RPS6KL1: variants seen among roughly 807,000 people sequenced by gnomAD.
RPS6KL1 encodes the protein ribosomal protein S6 kinase-like 1.
RPS6KL1 carries 41 observed loss-of-function variants against 57.0 expected under a neutral mutation model. That is an observed-to-expected ratio of 0.72 (90% CI 0.56 to 0.93). The LOEUF (loss-of-function observed/expected upper bound fraction) is 0.93, where lower values mean the gene tolerates loss of function less well. Ranked by LOEUF, RPS6KL1 falls within the 40% of genes least tolerant of loss-of-function variation. The pLI is 0.00. For synonymous variants in RPS6KL1, 287 were observed against 309.7 expected, an observed-to-expected ratio of 0.93 and a Z score of 0.77; for missense variants, 697 against 727.7, an observed-to-expected ratio of 0.96 and a Z score of 0.49.
At chr14:74,923,158 G>C (rs920808021) in intron 1 of RPS6KL1, 22 bp downstream of exon 1, 1 of 152,296 alleles carries the variant, frequency 6.6e-6, no homozygotes, top group Non-Finnish European at 1.5e-5. Flanking sequence ...GGGTGGAGAA[G>C]GGACCGGACA....
At chr14:74,907,361 GAC>G (rs1885079873) in intron 11 of RPS6KL1, 72 bp downstream of exon 11, 3 of 1,521,178 alleles carry the variant, frequency 2.0e-6, no homozygotes, top group Middle Eastern at 2.1e-4. Context: ...ACGTGGTTCA[GAC>G]ACAGTTCTGT....
At chr14:74,909,257 AG>A in intron 8 of RPS6KL1, 67 bp from the exon 9 acceptor site, 1 of 1,473,174 alleles carries the variant, frequency 6.8e-7, no homozygotes, top group South Asian at 1.1e-5. Flanking sequence ...AGGGGGTTGC[AG>A]GGCTTCCCCC....
Position 74,911,305 on chromosome 14 carries a change from G to A in RPS6KL1, c.607C>T (p.Leu203=), listed in dbSNP as rs752526190. The change falls in exon 7 of 12, where the codon CTG becomes TTG. Residue 203 remains leucine, a synonymous_variant. Transcript: ENST00000557413. ...IPHGVPYMTK[L]LRYFVSEDSI... ...TCCTCGCTCACAAAGTACCTGAGCA[G>A]CTTCGTCATGTAGGGGACTCCGTGT... is the stretch of plus-strand genomic sequence containing the variant. The A allele has an allele frequency of 6.2e-7, 1 of 1,612,604 alleles. No homozygotes were observed. Among genetic ancestry groups the A allele is most frequent in the Non-Finnish European group, 8.5e-7 (1 of 1,179,990 alleles).
intron 5 of RPS6KL1, among the ~76,000 whole-genome samples, chr14:74,913,305 C>T (rs1048859637): frequency 2.6e-5 from 4 of 151,992 alleles, no homozygotes; most frequent in Non-Finnish European, 5.9e-5. Flanking sequence ...GCCTGTAATC[C>T]CTGTAATTTG....
rs770834118 is a variant in RPS6KL1, at chr14:74,919,930, T to G, written c.305A>C (p.Lys102Thr). ...NKERREAVKL[K>T]ITKYLRRAEE... ...TGCCCGCCGCAGGTATTTGGTAATT[T>G]TCAGCTTCACAGCCTCACGTCGCTC... Residue 102 changes from lysine (K) to threonine (T), a missense_variant, in exon 4 of 12, where the codon AAA becomes ACA. Physicochemically the swap from Lys to Thr is moderately conservative, Grantham distance 78. Transcript: ENST00000557413. 1.2e-6 allele frequency: 2 copies of G among 1,614,156 alleles called. No individual in the cohort carries two copies. The highest frequency in any genetic ancestry group is 3.3e-5 in the Admixed American group (2 of 60,024).
chr14:74,912,566 C>T (rs1886196443), intron 5 of RPS6KL1, among the ~76,000 whole-genome samples: 1 of 152,140 alleles, frequency 6.6e-6, no homozygotes, highest in Non-Finnish European at 1.5e-5. Flanking sequence ...TGTTTTACAA[C>T]TGAGGAAGCC....
chr14:74,922,243 G>GA lies in RPS6KL1; in HGVS notation c.-287dup. The stretch of plus-strand genomic sequence containing the variant: ...GTATCCAGTACGCATTCAGCACATG[G>GA]AGGCCACACACGCTGGGCTCAAATG... On this transcript the variant is annotated 5_prime_UTR_variant, in exon 2 of 12. Transcript: ENST00000557413. 1 of 985,992 alleles carries GA rather than the reference G, an allele frequency of 1.0e-6. No individual in the cohort carries two copies. Among genetic ancestry groups the GA allele is most frequent in the Non-Finnish European group, 1.2e-6 (1 of 830,362 alleles). The allele number at this position is 985,992 out of a possible 1,614,324, so 61.1% of individuals were successfully genotyped here. A position where few individuals can be genotyped will look rare whatever the true frequency, so the allele number is the denominator to read the frequency against.
At position 74,921,292 on chromosome 14, in the gene RPS6KL1, G is replaced by A. The variant is rs1887800463; in HGVS notation, c.250C>T (p.Leu84Phe). ...CGGTCCTCACCGTGTATGCCACGGA[G>A]CAGCACGTCCACGCCATTCTGATAG... ...NHYQNGVDVLLRGIHVDPNKE... is the reference protein window; with the variant it reads ...NHYQNGVDVLFRGIHVDPNKE... Residue 84 changes from leucine to phenylalanine, a missense_variant, in exon 3 of 12, where the codon CTC (leucine) becomes TTC (phenylalanine). By Grantham distance (22) the Leu-to-Phe change is conservative. Coordinates refer to ENST00000557413, the MANE Select transcript of RPS6KL1 (RefSeq NM_031464.5). 2 of 1,613,142 alleles carry A rather than the reference G, an allele frequency of 1.2e-6. No homozygotes were observed. The highest frequency in any genetic ancestry group is 1.7e-6 in the Non-Finnish European group (2 of 1,179,414).
chr14:74,920,357 A>T (rs1164364740), intron 3 of RPS6KL1, among the ~76,000 whole-genome samples: 3 of 152,210 alleles, frequency 2.0e-5, no homozygotes, highest in African/African-American at 7.2e-5. Flanking sequence ...TGCCCAGTGT[A>T]AAGAAGGCTA....
At chr14:74,921,781 T>TTC in intron 2 of RPS6KL1, 197 bp downstream of exon 2, 5 of 1,240,166 alleles carry the variant, frequency 4.0e-6, no homozygotes, top group Non-Finnish European at 5.1e-6. Flanking sequence ...TCTTTTCTTT[T>TTC]TTTTTTTTTT....
rs1218368791 is a variant in RPS6KL1, at chr14:74,905,578, A to G, written c.*1436T>C. 1.3e-5 allele frequency: 2 copies of G among 151,944 alleles called. No individual in the cohort carries two copies. Among genetic ancestry groups the G allele is most frequent in the Non-Finnish European group, 2.9e-5 (2 of 68,088 alleles). 9.4% of individuals were successfully genotyped at this position (151,944 alleles called of 1,614,324 possible). ...CTCTTGACTTCACTCTGGAGCTTCT[A>G]CAGGGGAGCCTTCCAACCTGCCCCA... On this transcript the variant is annotated 3_prime_UTR_variant, in exon 12 of 12. Transcript: ENST00000557413.
rs1490422507 is a variant in RPS6KL1 at position 74,922,088 on chromosome 14, T to C, written c.-131A>G. ...GCCACCGCGCAGGCCTGGGGCTCTG[T>C]TTTCCTTTCCAGTCAAATTCAGTTC... On this transcript the variant is annotated 5_prime_UTR_variant, in exon 2 of 12. Coordinates refer to ENST00000557413, the MANE Select transcript of RPS6KL1 (RefSeq NM_031464.5). The C allele has an allele frequency of 2.9e-5, 22 of 747,806 alleles. No homozygotes were observed. Among genetic ancestry groups the C allele is most frequent in the Non-Finnish European group, 3.5e-5 (21 of 608,364 alleles). 46.3% of individuals were successfully genotyped at this position (747,806 alleles called of 1,614,324 possible).
chr14:74,913,690 G>A (rs991906493), intron 5 of RPS6KL1, among the ~76,000 whole-genome samples: 1 of 152,156 alleles, frequency 6.6e-6, no homozygotes, highest in African/African-American at 2.4e-5. Flanking sequence ...AGTACAAAAC[G>A]GGGTCATAGC....
At position 74,910,916 on chromosome 14, in the gene RPS6KL1, G is replaced by A; in HGVS notation, c.664+332C>T. On this transcript the variant is annotated intron_variant, in intron 7 of 11. Coordinates refer to ENST00000557413, the MANE Select transcript of RPS6KL1 (RefSeq NM_031464.5). ...AGGCGGAGTCTTGCTCTGCTGCCCA[G>A]GCTAGAGTGCAGTGGCGTGATCTTG... 3 of 246,164 alleles carry A rather than the reference G, an allele frequency of 1.2e-5. 1 individual carries two copies. Among genetic ancestry groups the A allele is most frequent in the South Asian group, 1.0e-4 (2 of 19,942 alleles). 15.2% of individuals were successfully genotyped at this position (246,164 alleles called of 1,614,324 possible). A position where few individuals can be genotyped will look rare whatever the true frequency, so the allele number is the denominator to read the frequency against.
Position 74,906,415 on chromosome 14 carries a change from GGTGGGGGT to G in RPS6KL1, c.*591_*598del, listed in dbSNP as rs1196725059. 172 of 334,902 alleles carry G rather than the reference GGTGGGGGT, an allele frequency of 5.1e-4. 1 individual carries two copies. The highest frequency in any genetic ancestry group is 3.7e-3 in the African/African-American group (154 of 41,186). 20.7% of individuals were successfully genotyped at this position (334,902 alleles called of 1,614,324 possible). ...CATGGTCAGGAATCGGGGGTGGGGGGGTGGGGGTGGGGGTCATCCTGTCCCCTACCTCA... is the reference window on the plus strand; with the variant it reads ...CATGGTCAGGAATCGGGGGTGGGGGGGGGGGTCATCCTGTCCCCTACCTCA... On this transcript the variant is annotated 3_prime_UTR_variant, in exon 12 of 12. Transcript: ENST00000557413.
intron 4 of RPS6KL1, 100 bp from the exon 5 acceptor site, chr14:74,918,705 G>A: frequency 1.2e-6 from 1 of 868,450 alleles, no homozygotes; most frequent in Non-Finnish European, 1.8e-6. Flanking sequence ...TGGATGCAAG[G>A]AGAACAGCTG....
intron 5 of RPS6KL1, among the ~76,000 whole-genome samples, chr14:74,916,145 C>G (rs182825299): frequency 1.3e-5 from 2 of 152,358 alleles, no homozygotes; most frequent in African/African-American, 4.8e-5. Flanking sequence ...TTGCTGCTGG[C>G]TGGCACTGCC....
chr14:74,911,541 G>GCCCCTGTA, intron 6 of RPS6KL1, 161 bp from the exon 7 acceptor site: 6 of 820,686 alleles, frequency 7.3e-6, no homozygotes, highest in Non-Finnish European at 1.1e-5. Context: ...TGTAGAATCT[G>GCCCCTGTA]GGTCCTCCAC....
In RPS6KL1 at chr14:74,911,824, G is replaced by A. The variant is rs1343989055; in HGVS notation, c.501C>T (p.Asp167=). The change falls in exon 6 of 12, where the codon GAC becomes GAT. Residue 167 remains aspartate, a synonymous_variant. Coordinates refer to ENST00000557413, the MANE Select transcript of RPS6KL1 (RefSeq NM_031464.5). The part of the protein sequence containing the change: ...GVIEKVQLVQ[D]PATGGTFVVK... ...CCACAAAGGTCCCTCCGGTTGCCGG[G>A]TCCTGGACCAGCTGCACCTGCCAAA... 1.9e-6 allele frequency: 3 copies of A among 1,553,164 alleles called. No homozygotes were observed. The Admixed American group carries it at 5.8e-5, about 30-fold the overall frequency.
Sources: allele counts gnomAD v4.1 joint callset (sites outside exome capture counted in the v4.1 genomes callset), GRCh38; gene constraint gnomAD v4.1.1; transcripts MANE v1.5; gene names NCBI Gene and HGNC (gene_info 2026-07-23, HGNC 2026-07-21).